The following GNG2 variants were observed in gnomAD, a reference collection of about 807,000 sequenced individuals.
The protein encoded by GNG2 is guanine nucleotide-binding protein G(I)/G(S)/G(O) subunit gamma-2.
In GNG2, 5 loss-of-function variants were observed where a neutral mutation model predicts 5.5. The observed-to-expected ratio is 0.91, with a 90% confidence interval of 0.48 to 1.92. The LOEUF is 1.92. GNG2 is among the 30% of genes most tolerant of loss of function. The pLI is 0.01. For missense variants in GNG2, 55 were observed against 88.4 expected (o/e 0.62, Z 1.52); for synonymous variants, 28 against 32.0 (o/e 0.88, Z 0.42).
chr14:51,868,510 G>A (rs1883080625), intron 1 of GNG2, among the ~76,000 whole-genome samples: 1 of 152,148 alleles, frequency 6.6e-6, no homozygotes. Context: ...GGGGTAATTG[G>A]GAGATTACTT....
chr14:51,845,948 G>A (rs1016064285), intron 2 of GNG2, among the ~76,000 whole-genome samples: 9 of 152,058 alleles, frequency 5.9e-5, no homozygotes, highest in Non-Finnish European at 8.8e-5. Flanking sequence ...GTTTTGTCTC[G>A]ACATCACTGC....
At chr14:51,908,736 ATTTT>A (rs3030340) in intron 2 of GNG2, among the ~76,000 whole-genome samples, 2,846 of 89,862 alleles carry the variant, frequency 0.032, 148 homozygotes, top group African/African-American at 0.11. Context: ...CACCCAGCTA[ATTTT>A]TTTTTTTTTT....
At chr14:51,853,341 A>G (rs73291050) in intron 2 of GNG2, among the ~76,000 whole-genome samples, 4,293 of 152,238 alleles carry the variant, frequency 0.028, 189 homozygotes, top group African/African-American at 0.095. Context: ...GACTCTGATG[A>G]AAGGGACACA....
At chr14:51,916,425 TACTAA>T (rs1886629425) in intron 2 of GNG2, 1 of 452,262 alleles carries the variant, frequency 2.2e-6, no homozygotes, top group African/African-American at 2.0e-5. Context: ...ACCTATTTTG[TACTAA>T]GTTATTTCAT....
intron 2 of GNG2, among the ~76,000 whole-genome samples, chr14:51,838,603 G>T (rs894010758): frequency 8.5e-5 from 13 of 152,212 alleles, no homozygotes; most frequent in Admixed American, 3.9e-4. Flanking sequence ...TTGACAAAAA[G>T]AAAAATGTTT....
At chr14:51,901,133 G>T (rs1030859964) in intron 2 of GNG2, among the ~76,000 whole-genome samples, 6 of 152,108 alleles carry the variant, frequency 3.9e-5, no homozygotes, top group African/African-American at 1.4e-4. Flanking sequence ...GAGCTATATT[G>T]GGTGTTAACA....
At chr14:51,830,001 C>A (rs1452441699) in intron 2 of GNG2, among the ~76,000 whole-genome samples, 1 of 152,160 alleles carries the variant, frequency 6.6e-6, no homozygotes, top group Non-Finnish European at 1.5e-5. Flanking sequence ...CACCACCATG[C>A]CTGGCTAATT....
rs78421584 is a variant in GNG2 at position 51,853,229 on chromosome 14, C to T, written c.64+25422C>T. On this transcript the variant is annotated intron_variant, in intron 2 of 3. Coordinates refer to the GNG2 transcript ENST00000553432. Reference sequence around the variant, plus strand: ...TTAACAAACAAATACTGAGTGCACGCAATGTACAAAGTGCTGTGCGAGGTG... The same window carrying T: ...TTAACAAACAAATACTGAGTGCACGTAATGTACAAAGTGCTGTGCGAGGTG... 3.4e-3 allele frequency among the ~76,000 whole-genome samples: 522 copies of T among 152,262 alleles called. 17 individuals carry two copies. In the East Asian group the frequency reaches 0.058, roughly 17 times the overall value.
chr14:51,899,469 T>G (rs1457977288), intron 2 of GNG2, among the ~76,000 whole-genome samples: 1 of 152,194 alleles, frequency 6.6e-6, no homozygotes, highest in East Asian at 1.9e-4. Context: ...AGCATAAAAC[T>G]TACCATCATA....
chr14:51,840,807 C>A (rs1181518608), intron 2 of GNG2, among the ~76,000 whole-genome samples: 3 of 152,270 alleles, frequency 2.0e-5, no homozygotes, highest in East Asian at 3.9e-4. Context: ...GAAGACAACC[C>A]CCTTCTTTCT....
chr14:51,926,737 A>T (rs1887351347), intron 2 of GNG2, among the ~76,000 whole-genome samples: 2 of 152,258 alleles, frequency 1.3e-5, no homozygotes, highest in South Asian at 4.1e-4. Context: ...TCTTAGCAGG[A>T]CTGTGGCTTT....
chr14:51,830,973 C>G (rs9323223), intron 2 of GNG2, among the ~76,000 whole-genome samples: 68,806 of 152,152 alleles, frequency 0.45, 16,266 homozygotes, highest in East Asian at 0.81. Context: ...CTCCAACCTT[C>G]TGTCCTGCCT....
At position 51,952,097 on chromosome 14, in the gene GNG2, T is replaced by A. The variant is rs3825598; in HGVS notation, c.87+1332T>A. 6.6e-4 allele frequency: 383 copies of A among 580,338 alleles called. 6 individuals are homozygous for A. In the East Asian group the frequency reaches 0.011, roughly 16 times the overall value. 35.9% of individuals were successfully genotyped at this position (580,338 alleles called of 1,614,324 possible). On this transcript the variant is annotated intron_variant, in intron 3 of 3. Coordinates refer to ENST00000556766, the MANE Select transcript of GNG2 (RefSeq NM_053064.5). ...TAGCCAAGGTTGAGAACCACTGTCC[T>A]ATGGGAAGGAGTTTACTTCTGCTAA...
intron 2 of GNG2, among the ~76,000 whole-genome samples, chr14:51,887,423 T>G (rs1171808449): frequency 1.3e-5 from 2 of 152,218 alleles, no homozygotes; most frequent in African/African-American, 2.4e-5. Context: ...CCAGGATTAC[T>G]TGCCTTGATC....
intron 3 of GNG2, among the ~76,000 whole-genome samples, chr14:51,956,639 T>C (rs1889287326): frequency 1.3e-5 from 2 of 152,192 alleles, no homozygotes; most frequent in Admixed American, 1.3e-4. Flanking sequence ...AAATTAAAGT[T>C]AAGTCAACCT....
At chr14:51,873,956 G>A (rs34468044) in intron 1 of GNG2, 16,771 of 152,230 alleles carry the variant, frequency 0.11, 1,741 homozygotes, top group African/African-American at 0.27. Context: ...GGGAGGTTAT[G>A]TGAGCTCTGC....
At chr14:51,860,327 T>C (rs147490257), upstream of GNG2, 306 of 152,550 alleles carry the variant, frequency 2.0e-3, no homozygotes, top group African/African-American at 6.9e-3. Flanking sequence ...GGGGGCCGAC[T>C]GAGCAGTGTG....
intron 2 of GNG2, among the ~76,000 whole-genome samples, chr14:51,845,969 A>G (rs568251562): frequency 3.1e-4 from 47 of 152,328 alleles, no homozygotes; most frequent in African/African-American, 1.1e-3. Flanking sequence ...TCCAGCATCT[A>G]TAAAACATGG....
At position 51,836,020 on chromosome 14, in the gene GNG2, C is replaced by T. The variant is rs564494802; in HGVS notation, c.64+8213C>T. On this transcript the variant is annotated intron_variant, in intron 2 of 3. Coordinates refer to the GNG2 transcript ENST00000553432. ...TTAAACAATAGAAATTTATTTCTCA[C>T]AGTTTTGAAGGCTGAGGTATCTAGT... Among the ~76,000 whole-genome samples the T allele has an allele frequency of 1.3e-4, 19 of 151,386 alleles. No homozygotes were observed. The East Asian group carries it at 3.5e-3, about 28-fold the overall frequency.
Sources: allele counts gnomAD v4.1 joint callset (sites outside exome capture counted in the v4.1 genomes callset), GRCh38; gene constraint gnomAD v4.1.1; transcripts MANE v1.5; gene names NCBI Gene and HGNC (gene_info 2026-07-23, HGNC 2026-07-21).